Variants in GPC3 observed in about 807,000 individuals in gnomAD.
The protein encoded by GPC3 is glypican 3.
A neutral mutation model predicts 34.4 loss-of-function variants in GPC3; 3 were observed. The observed-to-expected ratio is 0.09, with a 90% CI of 0.04 to 0.23. The LOEUF (loss-of-function observed/expected upper bound fraction) is 0.23, where lower values mean the gene tolerates loss of function less well. Ranked by LOEUF, GPC3 falls within the 10% of genes least tolerant of loss-of-function variation. The pLI is 1.00. For missense variants in GPC3, 351 were observed against 445.6 expected (o/e 0.79, Z 1.91); for synonymous variants, 177 against 174.0 (o/e 1.02, Z -0.13).
At chrX:133,632,430 T>TA (rs2070376895) in intron 6 of GPC3, among the ~76,000 whole-genome samples, 1 of 111,773 alleles carries the variant, frequency 8.9e-6, no homozygotes, top group African/African-American at 3.2e-5. Flanking sequence ...CAACACAACA[T>TA]ATGTGCTCAA....
At chrX:133,615,580 AACATC>A (rs2070152680) in intron 6 of GPC3, among the ~76,000 whole-genome samples, 1 of 109,709 alleles carries the variant, frequency 9.1e-6, no homozygotes, top group Admixed American at 9.8e-5. Context: ...CAGGGAGGGG[AACATC>A]ACACACTGGG....
Position 133,753,904 on chromosome X carries a change from C to A in GPC3, c.610G>T (p.Asp204Tyr), listed in dbSNP as rs751267769. 1.3e-5 allele frequency: 16 copies of A among 1,209,964 alleles called. No individual in the cohort carries two copies. In the South Asian group the frequency reaches 2.6e-4, roughly 20 times the overall value. ...INECLRGARR[D>Y]LKVFGNFPKL... ...GGGAAATTCCCAAATACTTTCAGGT[C>A]ACGTCTTGCTCCTCGGAGGCACTCA... Residue 204 changes from aspartate (D) to tyrosine (Y), a missense_variant, in exon 3 of 8, where the codon GAC becomes TAC. Transcript: ENST00000370818.
At chrX:133,930,659 C>T (rs765131489) in intron 2 of GPC3, among the ~76,000 whole-genome samples, 20 of 111,921 alleles carry the variant, frequency 1.8e-4, no homozygotes, top group South Asian at 7.5e-4. Flanking sequence ...TTTTTTGAGA[C>T]GGAGTCTCAC....
At chrX:133,878,170 G>C (rs2076025268) in intron 2 of GPC3, among the ~76,000 whole-genome samples, 1 of 112,023 alleles carries the variant, frequency 8.9e-6, no homozygotes, top group African/African-American at 3.3e-5. Flanking sequence ...GCTCACGCCT[G>C]TAATCCCAGC....
rs893336250 is a variant in GPC3, at chrX:133,843,364, A to C, written c.338-89188T>G. 3.2e-3 allele frequency among the ~76,000 whole-genome samples: 352 copies of C among 111,303 alleles called. 3 individuals carry two copies. Among genetic ancestry groups the C allele is most frequent in the African/African-American group, 0.011 (330 of 30,608 alleles). On this transcript the variant is annotated intron_variant, in intron 2 of 7. Transcript: ENST00000370818. ...CAGTTCAGGTGAGATATGGTTGTTTAAAAGAGCCTGACACCTCTACCTCTC... is the reference window on the plus strand; with the variant it reads ...CAGTTCAGGTGAGATATGGTTGTTTCAAAGAGCCTGACACCTCTACCTCTC...
intron 3 of GPC3, among the ~76,000 whole-genome samples, chrX:133,733,911 C>T (rs769144405): frequency 3.6e-5 from 4 of 110,808 alleles, no homozygotes; most frequent in Non-Finnish European, 7.6e-5. Flanking sequence ...AAACTTTCCA[C>T]AAAAAAAAGC....
intron 7 of GPC3, among the ~76,000 whole-genome samples, chrX:133,594,898 TA>T (rs1227589930): frequency 9.2e-6 from 1 of 108,831 alleles, no homozygotes; most frequent in Non-Finnish European, 1.9e-5. Flanking sequence ...AAATAAATCA[TA>T]AAAAAAAGTT....
intron 7 of GPC3, among the ~76,000 whole-genome samples, chrX:133,537,990 T>C (rs1569376311): frequency 9.0e-6 from 1 of 111,636 alleles, no homozygotes; most frequent in East Asian, 2.8e-4. Context: ...GTTTAAGATA[T>C]ATGAATCTGG....
At chrX:133,734,360 TCA>T (rs968068976) in intron 3 of GPC3, among the ~76,000 whole-genome samples, 4 of 110,667 alleles carry the variant, frequency 3.6e-5, no homozygotes, top group African/African-American at 1.3e-4. Flanking sequence ...ATAAAAACAA[TCA>T]AAAAACTGGG....
intron 2 of GPC3, among the ~76,000 whole-genome samples, chrX:133,880,972 C>T (rs1202944024): frequency 8.9e-6 from 1 of 111,968 alleles, no homozygotes; most frequent in African/African-American, 3.2e-5. Flanking sequence ...AGCAAAGTTA[C>T]TTGTTTACAG....
chrX:133,539,658 T>C (rs1439218209), intron 7 of GPC3, among the ~76,000 whole-genome samples: 1 of 112,291 alleles, frequency 8.9e-6, no homozygotes, highest in African/African-American at 3.2e-5. Context: ...TTCAGAACGC[T>C]ATCTCCCTGT....
In GPC3 at chrX:133,865,689, C is replaced by T. The variant is rs188996914; in HGVS notation, c.337+87361G>A. ...TCTTTTCCTACATGTGGTAATTGGT[C>T]AGCAACGAAGCTGATAGTTAACAAA... On this transcript the variant is annotated intron_variant, in intron 2 of 7. Coordinates refer to ENST00000370818, the MANE Select transcript of GPC3 (RefSeq NM_004484.4). Among the ~76,000 whole-genome samples, 26 of 112,061 alleles carry T rather than the reference C, an allele frequency of 2.3e-4. No individual in the cohort carries two copies. The East Asian group carries it at 3.9e-3, about 17-fold the overall frequency.
chrX:133,944,016 AGG>A (rs2076356519), intron 2 of GPC3, among the ~76,000 whole-genome samples: 1 of 111,696 alleles, frequency 9.0e-6, no homozygotes, highest in African/African-American at 3.3e-5. Context: ...ATACTGTTGC[AGG>A]GGAAGGGGAA....
intron 2 of GPC3, among the ~76,000 whole-genome samples, chrX:133,891,968 A>G (rs942509889): frequency 9.0e-6 from 1 of 110,931 alleles, no homozygotes; most frequent in Non-Finnish European, 1.9e-5. Flanking sequence ...TAGATTCTTC[A>G]TCTGGAAAAT....
intron 2 of GPC3, among the ~76,000 whole-genome samples, chrX:133,816,710 G>T (rs193195286): frequency 9.0e-6 from 1 of 111,371 alleles, no homozygotes; most frequent in African/African-American, 3.3e-5. Flanking sequence ...TGATCAGAAA[G>T]GAAGGAGGGG....
chrX:133,743,661 G>A (rs73564917), intron 3 of GPC3, among the ~76,000 whole-genome samples: 4,026 of 112,172 alleles, frequency 0.036, 194 homozygotes, highest in African/African-American at 0.12. Context: ...AAGGGAGCAA[G>A]TATCCAGGGG....
At chrX:133,861,718 C>T (rs753285104) in intron 2 of GPC3, among the ~76,000 whole-genome samples, 8 of 110,709 alleles carry the variant, frequency 7.2e-5, no homozygotes, top group Admixed American at 5.8e-4. Flanking sequence ...TGAGTTCTCA[C>T]GAGATCTGGC....
intron 5 of GPC3, among the ~76,000 whole-genome samples, chrX:133,682,060 C>T (rs982097607): frequency 3.6e-5 from 4 of 111,648 alleles, no homozygotes; most frequent in Admixed American, 9.5e-5. Flanking sequence ...GCAGCCCAAA[C>T]GTTGTTGCAA....
At chrX:133,638,101 G>A (rs936923320) in intron 6 of GPC3, among the ~76,000 whole-genome samples, 7 of 111,353 alleles carry the variant, frequency 6.3e-5, no homozygotes, top group Admixed American at 2.9e-4. Context: ...AAGGGTTTTC[G>A]TCCTTTAGGG....
Sources: gnomAD v4.1 joint callset for allele counts (sites outside exome capture counted in the v4.1 genomes callset) on GRCh38, gnomAD v4.1.1 for gene constraint, MANE v1.5 for transcripts, NCBI Gene and HGNC (gene_info 2026-07-23, HGNC 2026-07-21) for gene names.